FBXL13: variants seen among roughly 807,000 people sequenced by gnomAD.
FBXL13 encodes F-box and leucine-rich repeat protein 13.
Under a neutral mutation model 83.6 loss-of-function variants are expected in FBXL13, and 67 were observed. The ratio of observed to expected loss-of-function variants is 0.80; its 90% CI spans 0.66 to 0.98. The LOEUF (loss-of-function observed/expected upper bound fraction) is 0.98. Ranked by LOEUF, FBXL13 falls within the 50% of genes least tolerant of loss-of-function variation. The pLI, the probability that FBXL13 is intolerant of heterozygous loss-of-function variation, is 0.00. For synonymous variants in FBXL13, 272 were observed against 299.5 expected (o/e 0.91, Z 0.95); for missense variants, 822 against 866.5 (o/e 0.95, Z 0.64).
chr7:102,811,722 A>G (rs1193480070), downstream of FBXL13, among the ~76,000 whole-genome samples: 3 of 152,218 alleles, frequency 2.0e-5, no homozygotes, highest in African/African-American at 7.2e-5. Flanking sequence ...TTTTGAAAAC[A>G]TCTTTAATGC....
At chr7:102,887,432 C>G (rs182448997) in intron 11 of FBXL13, among the ~76,000 whole-genome samples, 1 of 152,072 alleles carries the variant, frequency 6.6e-6, no homozygotes, top group South Asian at 2.1e-4. Context: ...CACACACACA[C>G]ACACACAAAC....
chr7:102,919,462 T>G (rs77606690), intron 10 of FBXL13, among the ~76,000 whole-genome samples: 1 of 152,182 alleles, frequency 6.6e-6, no homozygotes, highest in African/African-American at 2.4e-5. Flanking sequence ...AGAAAAAATA[T>G]ATTTTAGTGT....
chr7:102,956,738 T>C (rs1448942821), intron 8 of FBXL13, among the ~76,000 whole-genome samples: 1 of 152,036 alleles, frequency 6.6e-6, no homozygotes, highest in African/African-American at 2.4e-5. Context: ...TATACACCAT[T>C]AACAGACAAA....
In FBXL13 at chr7:102,877,477, ATGTC is replaced by A; in HGVS notation, c.1621_1624del (p.Asp541SerfsTer6). 1.3e-6 allele frequency: 2 copies of A among 1,597,394 alleles called. No individual in the cohort carries two copies. The highest frequency in any genetic ancestry group is 4.5e-5 in the East Asian group (2 of 44,282). On this transcript the variant is annotated frameshift_variant, in exon 16 of 20. Coordinates refer to ENST00000313221, the Ensembl canonical transcript of FBXL13. LOFTEE classifies it high-confidence loss of function. ...TTTGAATTTTTTTACCTCATTAGAG[ATGTC>A]TGTTCCAGAGAGATCTATTGATACC...
chr7:102,857,872 T>TA (rs1368098404), intron 16 of FBXL13: 1 of 152,088 alleles, frequency 6.6e-6, no homozygotes, highest in Non-Finnish European at 1.5e-5. Flanking sequence ...TATAAATTAA[T>TA]ACAGCGATTA....
intron 17 of FBXL13, among the ~76,000 whole-genome samples, chr7:102,833,965 A>G (rs1801194477): frequency 6.6e-6 from 1 of 151,754 alleles, no homozygotes; most frequent in Admixed American, 6.6e-5. Flanking sequence ...AATCCACAAA[A>G]GTAAACCTAA....
exon 18 of FBXL13, chr7:102,832,851 C>T (rs1800963713): frequency 6.2e-7 from 1 of 1,614,048 alleles, no homozygotes; most frequent in Non-Finnish European, 8.5e-7. Context: ...TTTGGACAGC[C>T]AGCAATGCTG....
chr7:102,842,466 AG>A (rs761136034), intron 17 of FBXL13, among the ~76,000 whole-genome samples: 1 of 152,372 alleles, frequency 6.6e-6, no homozygotes, highest in East Asian at 1.9e-4. Flanking sequence ...GTTGAGCACC[AG>A]GGGGTGGAGT....
chr7:102,926,701 T>TG (rs1279768264), intron 9 of FBXL13, among the ~76,000 whole-genome samples: 1 of 152,228 alleles, frequency 6.6e-6, no homozygotes, highest in African/African-American at 2.4e-5. Flanking sequence ...CAAACACTTC[T>TG]GACTCTTCAT....
chr7:102,887,438 C>A (rs79892608), intron 11 of FBXL13, among the ~76,000 whole-genome samples: 1 of 150,870 alleles, frequency 6.6e-6, no homozygotes, highest in Non-Finnish European at 1.5e-5. Context: ...CACACACACA[C>A]AAACATCCAA....
At chr7:102,821,454 C>T (rs1237574541) in intron 19 of FBXL13, among the ~76,000 whole-genome samples, 1 of 152,202 alleles carries the variant, frequency 6.6e-6, no homozygotes, top group Admixed American at 6.5e-5. Flanking sequence ...TCAGCTCATG[C>T]CATAACTACT....
Position 103,057,826 on chromosome 7 carries a change from C to T in FBXL13, c.-104-2079G>A, listed in dbSNP as rs148290110. 8.7e-3 allele frequency among the ~76,000 whole-genome samples: 1,332 copies of T among 152,284 alleles called. 17 individuals are homozygous for T. Among genetic ancestry groups the T allele is most frequent in the Middle Eastern group, 0.024 (7 of 292 alleles). On this transcript the variant is annotated intron_variant, in intron 1 of 19. Transcript: ENST00000313221. The stretch of plus-strand genomic sequence containing the variant: ...GTCTGCAGCACACTTCCCACAGAAA[C>T]CACCTGGAATTCTCCATCGGCATTT...
chr7:103,038,377 G>A (rs1375009031), intron 2 of FBXL13, among the ~76,000 whole-genome samples: 13 of 152,236 alleles, frequency 8.5e-5, no homozygotes, highest in Non-Finnish European at 1.6e-4. Context: ...CCACCTCTGG[G>A]GACAGGGCAT....
chr7:102,903,939 C>CTTTTTTTTTTTTTTTTTTTTTT (rs1166655004), intron 11 of FBXL13, among the ~76,000 whole-genome samples: 25 of 43,444 alleles, frequency 5.8e-4, no homozygotes, highest in East Asian at 5.3e-3. Flanking sequence ...CTTTTCTTTT[C>CTTTTTTTTTTTTTTTTTTTTTT]TTTTTTTTTT....
chr7:102,852,565 T>A (rs1805425472), intron 17 of FBXL13, among the ~76,000 whole-genome samples: 1 of 151,764 alleles, frequency 6.6e-6, no homozygotes, highest in Non-Finnish European at 1.5e-5. Context: ...TATACAAATG[T>A]CTAACAAACA....
At chr7:102,945,619 G>A (rs1430264645) in intron 8 of FBXL13, among the ~76,000 whole-genome samples, 1 of 152,148 alleles carries the variant, frequency 6.6e-6, no homozygotes. Context: ...GAAATCAGTG[G>A]AGGATTTTAG....
intron 8 of FBXL13, chr7:102,933,933 T>C (rs1819711490): frequency 1.9e-6 from 3 of 1,609,958 alleles, no homozygotes; most frequent in Non-Finnish European, 1.7e-6. Flanking sequence ...GTTACCATTG[T>C]AATCTTGCTC....
intron 18 of FBXL13, among the ~76,000 whole-genome samples, chr7:102,830,753 CA>C (rs1243246093): frequency 6.6e-6 from 1 of 152,116 alleles, no homozygotes; most frequent in African/African-American, 2.4e-5. Context: ...CTGTAGTAAA[CA>C]AAAGCCTTCA....
intron 9 of FBXL13, among the ~76,000 whole-genome samples, chr7:102,930,543 T>C (rs1818971664): frequency 6.6e-6 from 1 of 152,234 alleles, no homozygotes; most frequent in African/African-American, 2.4e-5. Flanking sequence ...GAAGCAATAA[T>C]TGGCAGTCCC....
Sources: allele counts gnomAD v4.1 joint callset (sites outside exome capture counted in the v4.1 genomes callset), GRCh38; gene constraint gnomAD v4.1.1; transcripts MANE v1.5; gene names NCBI Gene and HGNC (gene_info 2026-07-23, HGNC 2026-07-21).